GABBR2: variants seen among roughly 807,000 people sequenced by gnomAD.
GABBR2 encodes the protein G-protein coupled receptor 51.
GABBR2 carries 23 observed loss-of-function variants against 105.6 expected under a neutral mutation model. The observed-to-expected ratio is 0.22, with a 90% confidence interval of 0.16 to 0.31. The LOEUF is 0.31. GABBR2 is among the 10% of genes least tolerant of loss of function. The pLI, the probability that GABBR2 is intolerant of heterozygous loss-of-function variation, is 1.00. For synonymous variants in GABBR2, 478 were observed against 499.7 expected (o/e 0.96, Z 0.58); for missense variants, 734 against 1,245.5 (o/e 0.59, Z 6.18).
chr9:98,343,130 G>T (rs1831243668), intron 13 of GABBR2, among the ~76,000 whole-genome samples: 1 of 152,212 alleles, frequency 6.6e-6, no homozygotes, highest in Non-Finnish European at 1.5e-5. Flanking sequence ...AGAATGGCAA[G>T]ACTACGGAAG....
intron 1 of GABBR2, among the ~76,000 whole-genome samples, chr9:98,647,958 GTT>G (rs11294565): frequency 1.3e-3 from 183 of 144,280 alleles, no homozygotes; most frequent in African/African-American, 4.2e-3. Flanking sequence ...TAAGTGTTTG[GTT>G]TTTTTTTTTT....
intron 13 of GABBR2, among the ~76,000 whole-genome samples, chr9:98,316,775 C>T (rs772035271): frequency 6.6e-6 from 1 of 152,138 alleles, no homozygotes. Flanking sequence ...ACTCTACACC[C>T]GTCATCTTGT....
At chr9:98,530,853 CAAT>C (rs902586014) in intron 3 of GABBR2, among the ~76,000 whole-genome samples, 7 of 152,068 alleles carry the variant, frequency 4.6e-5, no homozygotes, top group Non-Finnish European at 8.8e-5. Flanking sequence ...AGTAGGTTCT[CAAT>C]AACTGGCAGA....
intron 7 of GABBR2, among the ~76,000 whole-genome samples, chr9:98,427,122 G>A (rs930397145): frequency 2.0e-5 from 3 of 152,236 alleles, no homozygotes; most frequent in Admixed American, 6.5e-5. Context: ...TCTTCTAGCG[G>A]CAGAAACCAG....
At chr9:98,473,381 A>G in intron 5 of GABBR2, 35 bp from the exon 6 acceptor site, 1 of 1,414,780 alleles carries the variant, frequency 7.1e-7, no homozygotes, top group Non-Finnish European at 1.0e-6. Flanking sequence ...GGGCATTGAG[A>G]GTCGCACAGT....
At chr9:98,543,073 C>T (rs570339759) in intron 2 of GABBR2, among the ~76,000 whole-genome samples, 45 of 152,024 alleles carry the variant, frequency 3.0e-4, no homozygotes, top group African/African-American at 1.1e-3. Flanking sequence ...CAAAGCTGTC[C>T]ATCGTTCTCT....
At chr9:98,607,150 G>C in intron 1 of GABBR2, 1 of 1,610,244 alleles carries the variant, frequency 6.2e-7, no homozygotes, top group Non-Finnish European at 8.5e-7. Flanking sequence ...GTGTTCAGTT[G>C]CTGCTCACAA....
At position 98,504,296 on chromosome 9, in the gene GABBR2, G is replaced by A. The variant is rs184018903; in HGVS notation, c.631-7782C>T. Among the ~76,000 whole-genome samples, 310 of 152,324 alleles carry A rather than the reference G, an allele frequency of 2.0e-3. 4 individuals carry two copies. The highest frequency in any genetic ancestry group is 6.7e-3 in the African/African-American group (280 of 41,570). On this transcript the variant is annotated intron_variant, in intron 3 of 18. Transcript: ENST00000259455. ...CAACTTGCTACTGCATTCAGACCAC[G>A]TGTCCCACACAGAGAAGGCTCCCAT... is the stretch of plus-strand genomic sequence containing the variant.
chr9:98,491,173 T>G (rs761513084), intron 4 of GABBR2, among the ~76,000 whole-genome samples: 2 of 152,216 alleles, frequency 1.3e-5, no homozygotes, highest in African/African-American at 4.8e-5. Flanking sequence ...TCAAGGTGGA[T>G]TGAAGCCTTA....
At chr9:98,620,806 T>C (rs1253400479) in intron 1 of GABBR2, among the ~76,000 whole-genome samples, 1 of 152,156 alleles carries the variant, frequency 6.6e-6, no homozygotes, top group Non-Finnish European at 1.5e-5. Context: ...TCAGAGGCTT[T>C]TGGAGTCACA....
intron 1 of GABBR2, among the ~76,000 whole-genome samples, chr9:98,629,945 GGTTT>G (rs1033832167): frequency 6.6e-6 from 1 of 151,952 alleles, no homozygotes; most frequent in African/African-American, 2.4e-5. Flanking sequence ...CAATCTACAA[GGTTT>G]TTTTTCTTTT....
chr9:98,708,754 C>G lies in GABBR2; in HGVS notation c.-17G>C. 1 of 979,284 alleles carries G rather than the reference C, an allele frequency of 1.0e-6. No individual in the cohort carries two copies. Among genetic ancestry groups the G allele is most frequent in the Non-Finnish European group, 1.2e-6 (1 of 827,342 alleles). 60.7% of individuals were successfully genotyped at this position (979,284 alleles called of 1,614,324 possible). A position where few individuals can be genotyped will look rare whatever the true frequency, so the allele number is the denominator to read the frequency against. On this transcript the variant is annotated 5_prime_UTR_variant, in exon 1 of 19. Coordinates refer to ENST00000259455, the MANE Select transcript of GABBR2 (RefSeq NM_005458.8). ...GGAAGCCATGCCGCGCCGCGGGCTG[C>G]GGGCGCCGGCTCACTCGGCCCGCAT...
At chr9:98,334,600 T>G (rs1253762393) in intron 13 of GABBR2, among the ~76,000 whole-genome samples, 1 of 134,646 alleles carries the variant, frequency 7.4e-6, no homozygotes. Context: ...TGCATGTGAG[T>G]AGGGTAAGCC....
intron 13 of GABBR2, among the ~76,000 whole-genome samples, chr9:98,338,555 G>A (rs189159060): frequency 6.6e-6 from 1 of 152,302 alleles, no homozygotes; most frequent in Non-Finnish European, 1.5e-5. Context: ...TTATTTGATA[G>A]TCATTCTCAT....
At chr9:98,515,528 A>C (rs781080865) in intron 3 of GABBR2, among the ~76,000 whole-genome samples, 57 of 151,562 alleles carry the variant, frequency 3.8e-4, no homozygotes, top group Non-Finnish European at 7.5e-4. Flanking sequence ...GCATTTGCAA[A>C]CCCCCTTTCT....
At chr9:98,610,777 G>A (rs1829493651) in intron 1 of GABBR2, among the ~76,000 whole-genome samples, 2 of 151,232 alleles carry the variant, frequency 1.3e-5, no homozygotes, top group African/African-American at 2.4e-5. Context: ...CTCTAGGACT[G>A]TGAGAAAAAA....
intron 13 of GABBR2, among the ~76,000 whole-genome samples, chr9:98,342,946 T>C (rs962527944): frequency 3.3e-5 from 5 of 152,348 alleles, no homozygotes; most frequent in Middle Eastern, 3.4e-3. Context: ...ATTGACTTTT[T>C]TTCCCCCCAG....
chr9:98,524,360 A>G (rs1827920729), intron 3 of GABBR2, among the ~76,000 whole-genome samples: 1 of 152,268 alleles, frequency 6.6e-6, no homozygotes. Flanking sequence ...GGCAAAATAT[A>G]AATTATCATA....
chr9:98,535,093 AT>A (rs751553121), intron 3 of GABBR2, among the ~76,000 whole-genome samples: 3 of 151,850 alleles, frequency 2.0e-5, no homozygotes, highest in Admixed American at 6.6e-5. Flanking sequence ...AATTGAGGAT[AT>A]TTTTTTTCAG....
Sources: gnomAD v4.1 joint callset for allele counts (sites outside exome capture counted in the v4.1 genomes callset) on GRCh38, gnomAD v4.1.1 for gene constraint, MANE v1.5 for transcripts, NCBI Gene and HGNC (gene_info 2026-07-23, HGNC 2026-07-21) for gene names.